The following SYT14 variants were observed in gnomAD, a reference collection of about 807,000 sequenced individuals.
SYT14 encodes synaptotagmin 14.
A neutral mutation model predicts 74.2 loss-of-function variants in SYT14; 32 were observed. The ratio of observed to expected loss-of-function variants is 0.43; its 90% CI spans 0.33 to 0.58. SYT14 has a LOEUF of 0.58. Ranked by LOEUF, SYT14 falls within the 20% of genes least tolerant of loss-of-function variation. The pLI is 0.05. For missense variants in SYT14, 791 were observed against 981.8 expected (o/e 0.81, Z 2.60); for synonymous variants, 298 against 337.7 (o/e 0.88, Z 1.29).
intron 5 of SYT14, among the ~76,000 whole-genome samples, chr1:210,074,281 A>G (rs1033127935): frequency 6.6e-6 from 1 of 152,352 alleles, no homozygotes; most frequent in African/African-American, 2.4e-5. Context: ...GGTTGATGCT[A>G]TTACAATTCC....
chr1:210,073,229 T>A (rs949783722), intron 5 of SYT14, among the ~76,000 whole-genome samples: 2 of 152,008 alleles, frequency 1.3e-5, no homozygotes, highest in Non-Finnish European at 2.9e-5. Context: ...AAAGATTTTT[T>A]AAAATGTAAG....
intron 7 of SYT14, among the ~76,000 whole-genome samples, chr1:210,137,604 A>G (rs115344654): frequency 0.012 from 1,809 of 151,904 alleles, 47 homozygotes; most frequent in African/African-American, 0.042. Flanking sequence ...TTTCTAAGGT[A>G]AATAGGTAGA....
chr1:210,103,060 A>G (rs1031707503), intron 7 of SYT14, among the ~76,000 whole-genome samples: 16 of 152,178 alleles, frequency 1.1e-4, no homozygotes, highest in Admixed American at 8.5e-4. Flanking sequence ...AATCCAGCCA[A>G]AGAACTTGCA....
chr1:209,981,331 A>T (rs974408782), intron 2 of SYT14, among the ~76,000 whole-genome samples: 1 of 151,544 alleles, frequency 6.6e-6, no homozygotes, highest in East Asian at 1.9e-4. Context: ...GAATTTTCTT[A>T]GTGCTTGCTT....
At chr1:210,103,293 G>A (rs2082102001) in intron 7 of SYT14, among the ~76,000 whole-genome samples, 1 of 152,090 alleles carries the variant, frequency 6.6e-6, no homozygotes, top group Non-Finnish European at 1.5e-5. Flanking sequence ...GCTCACACCT[G>A]TATTCCCAAC....
chr1:210,009,594 C>T (rs994312515), intron 2 of SYT14, among the ~76,000 whole-genome samples: 10 of 151,900 alleles, frequency 6.6e-5, no homozygotes, highest in African/African-American at 2.2e-4. Flanking sequence ...AGCCTGGCAC[C>T]TGCATTTGCC....
chr1:210,034,505 G>A (rs2080613126), intron 5 of SYT14, among the ~76,000 whole-genome samples: 1 of 151,620 alleles, frequency 6.6e-6, no homozygotes, highest in Admixed American at 6.6e-5. Context: ...ATATTGCATA[G>A]TGGTGAAGCC....
chr1:210,069,410 T>A (rs1301845117), intron 5 of SYT14, among the ~76,000 whole-genome samples: 1 of 152,000 alleles, frequency 6.6e-6, no homozygotes, highest in Non-Finnish European at 1.5e-5. Flanking sequence ...TTGTCAGCTT[T>A]TTCCTTGGAA....
intron 2 of SYT14, among the ~76,000 whole-genome samples, chr1:209,995,784 T>C (rs770498367): frequency 2.0e-4 from 30 of 152,180 alleles, no homozygotes; most frequent in Admixed American, 4.6e-4. Flanking sequence ...ACCAGCCATA[T>C]TCTCAGACCA....
intron 5 of SYT14, among the ~76,000 whole-genome samples, chr1:210,077,770 T>C (rs1278311090): frequency 6.6e-6 from 1 of 152,208 alleles, no homozygotes; most frequent in East Asian, 1.9e-4. Flanking sequence ...ATTCTTATCA[T>C]AGATATTTTA....
chr1:209,982,218 C>G (rs2079499854), intron 2 of SYT14, among the ~76,000 whole-genome samples: 1 of 152,028 alleles, frequency 6.6e-6, no homozygotes, highest in Admixed American at 6.5e-5. Flanking sequence ...TGCAGTGGCG[C>G]CATCACAGCT....
At chr1:209,990,549 G>GTATATATATATGTA in intron 2 of SYT14, among the ~76,000 whole-genome samples, 4 of 56,892 alleles carry the variant, frequency 7.0e-5, no homozygotes, top group African/African-American at 1.5e-4. Flanking sequence ...GTATATATAT[G>GTATATATATATGTA]TATATATATA....
At chr1:209,981,272 T>A (rs912420842) in intron 2 of SYT14, among the ~76,000 whole-genome samples, 5 of 152,278 alleles carry the variant, frequency 3.3e-5, no homozygotes, top group Admixed American at 2.6e-4. Flanking sequence ...TTCATTTCCA[T>A]GTTTAGAATT....
chr1:210,078,214 G>A (rs1220819761), intron 5 of SYT14, among the ~76,000 whole-genome samples: 1 of 149,314 alleles, frequency 6.7e-6, no homozygotes, highest in Non-Finnish European at 1.5e-5. Context: ...GGAGGCTGAG[G>A]CAGGAGAATG....
At chr1:210,150,548 G>C (rs920487708) in intron 7 of SYT14, among the ~76,000 whole-genome samples, 2 of 152,204 alleles carry the variant, frequency 1.3e-5, no homozygotes, top group African/African-American at 4.8e-5. Flanking sequence ...TGCTGCTAGA[G>C]ATGAAGCTCA....
intron 5 of SYT14, among the ~76,000 whole-genome samples, chr1:210,039,509 G>A (rs1424890720): frequency 6.6e-6 from 1 of 152,134 alleles, no homozygotes; most frequent in Non-Finnish European, 1.5e-5. Flanking sequence ...AAAAGCAATG[G>A]CAACAGAAGC....
chr1:209,976,114 CT>C (rs1558104339), intron 2 of SYT14, among the ~76,000 whole-genome samples: 1 of 152,018 alleles, frequency 6.6e-6, no homozygotes, highest in East Asian at 1.9e-4. Flanking sequence ...ATTAGTCTTG[CT>C]AGCGGTTTAT....
At chr1:210,126,764 T>C (rs1296752943) in intron 7 of SYT14, among the ~76,000 whole-genome samples, 1 of 152,226 alleles carries the variant, frequency 6.6e-6, no homozygotes, top group African/African-American at 2.4e-5. Flanking sequence ...AAGTGCTGAA[T>C]TCTCTCTTTG....
At chr1:210,037,348 A>C (rs951915774) in intron 5 of SYT14, among the ~76,000 whole-genome samples, 2 of 151,946 alleles carry the variant, frequency 1.3e-5, no homozygotes, top group Admixed American at 6.6e-5. Flanking sequence ...GTAGCAGCCT[A>C]TCAATTTTGA....
Sources: gnomAD v4.1 joint callset for allele counts (sites outside exome capture counted in the v4.1 genomes callset) on GRCh38, gnomAD v4.1.1 for gene constraint, MANE v1.5 for transcripts, NCBI Gene and HGNC (gene_info 2026-07-23, HGNC 2026-07-21) for gene names.